Variants in HORMAD2 observed in about 807,000 individuals in gnomAD.
The protein encoded by HORMAD2 is HORMA domain-containing protein 2.
HORMAD2 carries 45 observed loss-of-function variants against 38.8 expected under a neutral mutation model. That is an observed-to-expected ratio of 1.16 (90% CI 0.91 to 1.49). The LOEUF (loss-of-function observed/expected upper bound fraction) is 1.49. HORMAD2 is among the 40% of genes most tolerant of loss of function. The pLI is 0.00. For synonymous variants in HORMAD2, 126 were observed against 122.8 expected, an observed-to-expected ratio of 1.03 and a Z score of -0.17; for missense variants, 338 against 367.0, an observed-to-expected ratio of 0.92 and a Z score of 0.65.
downstream of HORMAD2, among the ~76,000 whole-genome samples, chr22:30,177,476 C>T (rs1926520804): frequency 6.6e-6 from 1 of 152,162 alleles, no homozygotes. Flanking sequence ...GAGCATTTCC[C>T]CTTCTTTTAG....
downstream of HORMAD2, among the ~76,000 whole-genome samples, chr22:30,179,280 G>A (rs1926605570): frequency 6.6e-6 from 1 of 152,042 alleles, no homozygotes; most frequent in South Asian, 2.1e-4. Context: ...TTAAGTCAAG[G>A]TCTGCTACAA....
chr22:30,097,736 ACT>A (rs201317753), intron 2 of HORMAD2, among the ~76,000 whole-genome samples: 3 of 152,024 alleles, frequency 2.0e-5, no homozygotes, highest in Non-Finnish European at 4.4e-5. Context: ...AGGTACTTGA[ACT>A]CTCTCCTGGA....
chr22:30,153,872 A>G (rs1924908511), intron 10 of HORMAD2, among the ~76,000 whole-genome samples: 1 of 152,146 alleles, frequency 6.6e-6, no homozygotes, highest in South Asian at 2.1e-4. Context: ...TTCAAAATAT[A>G]TTTCAAATCT....
chr22:30,173,321 T>C (rs1040444975), intron 10 of HORMAD2, among the ~76,000 whole-genome samples: 1 of 152,164 alleles, frequency 6.6e-6, no homozygotes, highest in Non-Finnish European at 1.5e-5. Flanking sequence ...GACAATGGAT[T>C]GGAGAGGCAG....
At chr22:30,166,640 TA>T (rs1925801877) in intron 10 of HORMAD2, among the ~76,000 whole-genome samples, 1 of 152,200 alleles carries the variant, frequency 6.6e-6, no homozygotes, top group African/African-American at 2.4e-5. Flanking sequence ...CAAAAGGCCA[TA>T]AAATTAATAC....
intron 2 of HORMAD2, among the ~76,000 whole-genome samples, chr22:30,097,987 G>A (rs538375191): frequency 6.6e-6 from 1 of 152,256 alleles, no homozygotes; most frequent in African/African-American, 2.4e-5. Flanking sequence ...ATGAAGGAGA[G>A]AGAAGACAAA....
intron 1 of HORMAD2, among the ~76,000 whole-genome samples, chr22:30,088,188 T>C (rs185608529): frequency 1.3e-5 from 2 of 150,538 alleles, no homozygotes; most frequent in African/African-American, 4.9e-5. Context: ...TATACATATA[T>C]ACCTATGTAT....
At chr22:30,080,664 G>A (rs1281472878) in intron 1 of HORMAD2, among the ~76,000 whole-genome samples, 173 bp downstream of exon 1, 1 of 152,168 alleles carries the variant, frequency 6.6e-6, no homozygotes, top group Non-Finnish European at 1.5e-5. Flanking sequence ...AGAGAATCGG[G>A]AGGGCAGGGG....
chr22:30,104,506 A>G (rs1044754894), intron 5 of HORMAD2, 69 bp downstream of exon 5: 9 of 1,322,008 alleles, frequency 6.8e-6, no homozygotes, highest in African/African-American at 3.0e-5. Flanking sequence ...AAGAAATTAG[A>G]CATTTATTTT....
At chr22:30,090,669 G>A (rs1053562349) in intron 1 of HORMAD2, among the ~76,000 whole-genome samples, 1 of 152,072 alleles carries the variant, frequency 6.6e-6, no homozygotes, top group Non-Finnish European at 1.5e-5. Flanking sequence ...CAATGCATAA[G>A]GGTTTTAATT....
At chr22:30,086,672 T>C (rs1405051036) in intron 1 of HORMAD2, among the ~76,000 whole-genome samples, 1 of 152,094 alleles carries the variant, frequency 6.6e-6, no homozygotes, top group Non-Finnish European at 1.5e-5. Context: ...AGAAGGAGAA[T>C]ACCAGTGACA....
At chr22:30,105,954 G>A (rs1475707681) in intron 5 of HORMAD2, among the ~76,000 whole-genome samples, 1 of 152,064 alleles carries the variant, frequency 6.6e-6, no homozygotes, top group Non-Finnish European at 1.5e-5. Flanking sequence ...AGCCAAATTG[G>A]CATCCTTTCT....
intron 1 of HORMAD2, among the ~76,000 whole-genome samples, chr22:30,088,485 G>A (rs2068625645): frequency 6.6e-6 from 1 of 151,460 alleles, no homozygotes; most frequent in Non-Finnish European, 1.5e-5. Flanking sequence ...AAATATGGAT[G>A]TAGTAATGCC....
chr22:30,186,683 T>G, the HORMAD2 span, among the ~76,000 whole-genome samples: 1 of 152,118 alleles, frequency 6.6e-6, no homozygotes, highest in Admixed American at 6.6e-5. Flanking sequence ...TTGGTTCTCA[T>G]TTCCCTCTGC....
At chr22:30,131,117 T>C (rs1923255870) in intron 10 of HORMAD2, among the ~76,000 whole-genome samples, 1 of 152,214 alleles carries the variant, frequency 6.6e-6, no homozygotes. Context: ...AATCAACATA[T>C]GTTCTGTAAT....
At chr22:30,206,938 A>G in the HORMAD2 span, 1 of 402,106 alleles carries the variant, frequency 2.5e-6, no homozygotes, top group South Asian at 1.9e-5. Context: ...GAAATGGCCC[A>G]TATCCCGGCA....
the HORMAD2 span, among the ~76,000 whole-genome samples, chr22:30,187,689 G>T: frequency 6.6e-6 from 1 of 152,142 alleles, no homozygotes; most frequent in African/African-American, 2.4e-5. Context: ...GGAATGGAGT[G>T]GGGTAGAGGA....
rs559520145 is a variant in HORMAD2 at position 30,143,414 on chromosome 22, T to G, written c.819+21200T>G. Among the ~76,000 whole-genome samples the G allele has an allele frequency of 6.1e-4, 93 of 152,296 alleles. 1 individual carries two copies. In the South Asian group the frequency reaches 0.019, roughly 31 times the overall value. On this transcript the variant is annotated intron_variant, in intron 10 of 10. Coordinates refer to ENST00000336726, the MANE Select transcript of HORMAD2 (RefSeq NM_152510.4). ...TGGAAGTGTTTTTATCTTACCTTTG[T>G]TTTTTAAAGATATCTTTGCTGAATA...
At chr22:30,115,433 C>T (rs553583286) in intron 7 of HORMAD2, among the ~76,000 whole-genome samples, 1 of 152,270 alleles carries the variant, frequency 6.6e-6, no homozygotes, top group East Asian at 1.9e-4. Context: ...TAGATTGCCT[C>T]ATAAACTTAA....
Sources: allele counts gnomAD v4.1 joint callset (sites outside exome capture counted in the v4.1 genomes callset), GRCh38; gene constraint gnomAD v4.1.1; transcripts MANE v1.5; gene names NCBI Gene and HGNC (gene_info 2026-07-23, HGNC 2026-07-21).